P3H2: variants seen among roughly 807,000 people sequenced by gnomAD.
The protein encoded by P3H2 is leprecan-like 1.
P3H2 carries 80 observed loss-of-function variants against 87.0 expected under a neutral mutation model. The ratio of observed to expected loss-of-function variants is 0.92; its 90% CI spans 0.77 to 1.11. P3H2 has a LOEUF of 1.11. Among genes scored for constraint, P3H2 ranks in the 50% least tolerant of loss-of-function variants. The pLI is 0.00. For missense variants in P3H2, 1,001 were observed against 923.9 expected, an observed-to-expected ratio of 1.08 and a Z score of -1.08; for synonymous variants, 367 against 359.3, an observed-to-expected ratio of 1.02 and a Z score of -0.24.
intron 14 of P3H2, among the ~76,000 whole-genome samples, chr3:189,960,895 T>A (rs1049735332): frequency 2.6e-5 from 4 of 151,392 alleles, no homozygotes; most frequent in African/African-American, 9.7e-5. Context: ...TGCTGCCACA[T>A]CTAAATAAAA....
intron 1 of P3H2, among the ~76,000 whole-genome samples, chr3:190,047,054 CAAAT>C (rs1380830641): frequency 2.1e-5 from 3 of 141,066 alleles, no homozygotes; most frequent in African/African-American, 5.1e-5. Context: ...AACAAAAAAA[CAAAT>C]AATCTGATCT....
intron 1 of P3H2, among the ~76,000 whole-genome samples, chr3:190,107,673 C>G (rs1391297559): frequency 2.6e-5 from 4 of 152,106 alleles, no homozygotes; most frequent in Non-Finnish European, 5.9e-5. Flanking sequence ...CCTTATCAAA[C>G]TTAAAAAATC....
At chr3:190,113,175 T>C (rs1393880367) in intron 1 of P3H2, among the ~76,000 whole-genome samples, 1 of 152,158 alleles carries the variant, frequency 6.6e-6, no homozygotes, top group Non-Finnish European at 1.5e-5. Flanking sequence ...GACTGTTACA[T>C]AGAGGCTGGA....
intron 1 of P3H2, among the ~76,000 whole-genome samples, chr3:190,013,315 G>T (rs1048769825): frequency 1.3e-5 from 2 of 152,184 alleles, no homozygotes; most frequent in African/African-American, 4.8e-5. Flanking sequence ...AAAAATTATG[G>T]CAGCTGGTTA....
chr3:190,043,112 C>T (rs1725690294), intron 1 of P3H2, among the ~76,000 whole-genome samples: 2 of 96,506 alleles, frequency 2.1e-5, no homozygotes, highest in African/African-American at 5.6e-5. Context: ...TTCAAAATCA[C>T]TTTTATATTA....
chr3:190,017,808 T>C (rs1181843324), intron 1 of P3H2, among the ~76,000 whole-genome samples: 1 of 152,208 alleles, frequency 6.6e-6, no homozygotes, highest in Non-Finnish European at 1.5e-5. Flanking sequence ...TCCTGACTTT[T>C]TGATTAAAGC....
At chr3:190,083,600 G>A (rs1727121656) in intron 1 of P3H2, among the ~76,000 whole-genome samples, 3 of 152,108 alleles carry the variant, frequency 2.0e-5, no homozygotes, top group Non-Finnish European at 2.9e-5. Flanking sequence ...GGTGTATCCC[G>A]CCCCATCACA....
At chr3:190,111,227 G>A (rs760183962) in intron 1 of P3H2, among the ~76,000 whole-genome samples, 1 of 152,182 alleles carries the variant, frequency 6.6e-6, no homozygotes. Flanking sequence ...TTATTTCAGG[G>A]TCTCTTTCAT....
intron 1 of P3H2, among the ~76,000 whole-genome samples, chr3:190,073,027 A>G (rs957713834): frequency 2.0e-5 from 3 of 152,222 alleles, no homozygotes; most frequent in African/African-American, 7.2e-5. Flanking sequence ...AACTGCATTC[A>G]TATCACTTTA....
rs559415073 is a variant in P3H2 at position 190,052,605 on chromosome 3, T to C, written c.481-57163A>G. Among the ~76,000 whole-genome samples the C allele has an allele frequency of 3.2e-3, 482 of 152,180 alleles. 7 individuals are homozygous for C. Among genetic ancestry groups the C allele is most frequent in the African/African-American group, 0.011 (456 of 41,504 alleles). Reference sequence around the variant, plus strand: ...AATTTATACAAATGTAAATCGAAGATAGAAAGGTTATTACCGTGTCTAAGA... The same window carrying C: ...AATTTATACAAATGTAAATCGAAGACAGAAAGGTTATTACCGTGTCTAAGA... On this transcript the variant is annotated intron_variant, in intron 1 of 14. Coordinates refer to ENST00000319332, the MANE Select transcript of P3H2 (RefSeq NM_018192.4).
chr3:189,993,736 C>CAATAA lies in P3H2; in HGVS notation c.823+353_823+357dup, dbSNP rs1390608268. ...CAGAGCATTACCCAACCATTAAATA[C>CAATAA]AATAAAATGGCTCTACGTACTTACG... is the stretch of plus-strand genomic sequence containing the variant. On this transcript the variant is annotated intron_variant, in intron 3 of 14. Transcript: ENST00000319332. 4.6e-5 allele frequency among the ~76,000 whole-genome samples: 7 copies of CAATAA among 152,020 alleles called. No individual in the cohort carries two copies. The East Asian group carries it at 1.2e-3, about 25-fold the overall frequency.
At chr3:189,965,553 T>C (rs139456981) in intron 13 of P3H2, among the ~76,000 whole-genome samples, 18 of 152,380 alleles carry the variant, frequency 1.2e-4, no homozygotes, top group African/African-American at 4.3e-4. Context: ...GCAACTGTTC[T>C]GATGTAAATC....
chr3:190,077,629 G>A (rs147628805), intron 1 of P3H2, among the ~76,000 whole-genome samples: 1 of 152,246 alleles, frequency 6.6e-6, no homozygotes, highest in African/African-American at 2.4e-5. Flanking sequence ...GAAGGGAGAT[G>A]ATAAATACTC....
chr3:190,120,560 C>G lies in P3H2; in HGVS notation c.172G>C (p.Gly58Arg), dbSNP rs758652639. The change falls in exon 1 of 15, where the codon GGA becomes CGA. Residue 58 changes from glycine to arginine, a missense_variant. Physicochemically the swap from Gly to Arg is moderately radical, Grantham distance 125. Transcript: ENST00000319332. ...TCGCGCACCGCTCGCTCGTAGTCTC[C>G]GCTGTAGTAGGCGGCCGCGCCGCTG... ...YASGAAAYYS[G>R]DYERAVRDLE... 4.6e-6 allele frequency: 7 copies of G among 1,536,186 alleles called. No individual in the cohort carries two copies. In the South Asian group the frequency reaches 7.2e-5, roughly 16 times the overall value.
Position 189,994,170 on chromosome 3 carries a change from G to C in P3H2, c.747C>G (p.Thr249=), listed in dbSNP as rs1723967405. The C allele has an allele frequency of 6.2e-7, 1 of 1,613,528 alleles. No homozygotes were observed. Among genetic ancestry groups the C allele is most frequent in the East Asian group, 2.2e-5 (1 of 44,870 alleles). ...EYFVEDTECR[T]LCEGPQRFEE... ...CAAATCTCTGAGGCCCCTCACATAGGGTCCGGCATTCTGTATCTTCAACGA... is the reference window on the plus strand; with the variant it reads ...CAAATCTCTGAGGCCCCTCACATAGCGTCCGGCATTCTGTATCTTCAACGA... Residue 249 remains threonine (T), a synonymous_variant, in exon 3 of 15, where the codon ACC becomes ACG. Transcript: ENST00000319332.
chr3:190,088,911 T>C (rs1234970782), intron 1 of P3H2, among the ~76,000 whole-genome samples: 1 of 152,144 alleles, frequency 6.6e-6, no homozygotes. Flanking sequence ...CCCCTACCTA[T>C]AGCACACTTT....
intron 1 of P3H2, among the ~76,000 whole-genome samples, chr3:190,030,604 A>T (rs1391432270): frequency 1.3e-5 from 2 of 152,206 alleles, no homozygotes; most frequent in African/African-American, 2.4e-5. Context: ...ATGAGATTGT[A>T]TTGGAAGTTG....
chr3:189,968,476 T>G (rs1723068552), intron 13 of P3H2, among the ~76,000 whole-genome samples: 1 of 152,224 alleles, frequency 6.6e-6, no homozygotes, highest in Non-Finnish European at 1.5e-5. Context: ...TGCTACATTT[T>G]CTTTATCCAG....
In P3H2 at chr3:189,995,463, C is replaced by T. The variant is rs771098500; in HGVS notation, c.481-21G>A. ...TTAAGCTAAAGAGAAAAAAAAATGA[C>T]CAAAATGAAGGCAAATATTTCCAAA... is the stretch of plus-strand genomic sequence containing the variant. On this transcript the variant is annotated intron_variant, in intron 1 of 14. Coordinates refer to ENST00000319332, the MANE Select transcript of P3H2 (RefSeq NM_018192.4). 6.2e-6 allele frequency: 10 copies of T among 1,609,908 alleles called. No homozygotes were observed. In the South Asian group the frequency reaches 1.1e-4, roughly 18 times the overall value.
Sources: allele counts gnomAD v4.1 joint callset (sites outside exome capture counted in the v4.1 genomes callset), GRCh38; gene constraint gnomAD v4.1.1; transcripts MANE v1.5; gene names NCBI Gene and HGNC (gene_info 2026-07-23, HGNC 2026-07-21).